The following CSMD3 variants were observed in gnomAD, a reference collection of about 807,000 sequenced individuals.
CSMD3 encodes CUB and sushi domain-containing protein 3.
Under a neutral mutation model 435.2 loss-of-function variants are expected in CSMD3, and 177 were observed. The ratio of observed to expected loss-of-function variants is 0.41; its 90% CI spans 0.36 to 0.46. The LOEUF is 0.46. Ranked by LOEUF, CSMD3 falls within the 20% of genes least tolerant of loss-of-function variation. The pLI, the probability that CSMD3 is intolerant of heterozygous loss-of-function variation, is 0.34. For synonymous variants in CSMD3, 1,656 were observed against 1,520.5 expected (o/e 1.09, Z -2.07); for missense variants, 4,265 against 4,504.6 (o/e 0.95, Z 1.52).
intron 10 of CSMD3, among the ~76,000 whole-genome samples, chr8:112,888,569 C>G (rs1182917223): frequency 1.3e-5 from 2 of 151,702 alleles, no homozygotes; most frequent in Non-Finnish European, 3.0e-5. Flanking sequence ...TGCTACCACT[C>G]TGAGTAATTT....
intron 1 of CSMD3, among the ~76,000 whole-genome samples, chr8:113,333,584 T>C (rs527835003): frequency 3.9e-5 from 6 of 152,014 alleles, no homozygotes; most frequent in African/African-American, 1.4e-4. Context: ...TAGTTTGGCA[T>C]ACTTGTTTGA....
At chr8:112,743,133 T>C (rs1000079487) in intron 13 of CSMD3, among the ~76,000 whole-genome samples, 1 of 152,056 alleles carries the variant, frequency 6.6e-6, no homozygotes, top group Non-Finnish European at 1.5e-5. Context: ...ACTGAATGTG[T>C]GCTTATTTGT....
chr8:113,343,498 A>T (rs2094133329), intron 1 of CSMD3, among the ~76,000 whole-genome samples: 2 of 152,340 alleles, frequency 1.3e-5, no homozygotes, highest in African/African-American at 2.4e-5. Flanking sequence ...AGTGTCAAAC[A>T]GTTTAAAATG....
intron 4 of CSMD3, among the ~76,000 whole-genome samples, chr8:113,124,060 A>G (rs141795985): frequency 7.9e-5 from 12 of 152,134 alleles, no homozygotes; most frequent in African/African-American, 2.9e-4. Flanking sequence ...ATTTTCTCAT[A>G]TCCTTTCTTT....
intron 32 of CSMD3, among the ~76,000 whole-genome samples, chr8:112,440,521 C>T (rs956217451): frequency 7.9e-5 from 12 of 152,124 alleles, no homozygotes; most frequent in Non-Finnish European, 1.5e-4. Context: ...GGTAGTGCCC[C>T]AGTGGATACT....
rs912643866 is a variant in CSMD3 at position 112,765,938 on chromosome 8, A to G, written c.1972+34224T>C. The stretch of plus-strand genomic sequence containing the variant: ...AGTTTTCCATTGCCTGTAAGACCTG[A>G]TGATTTGGACCACTAACTTTTCCCT... On this transcript the variant is annotated intron_variant, in intron 13 of 70. Transcript: ENST00000297405. 4.0e-5 allele frequency among the ~76,000 whole-genome samples: 6 copies of G among 151,718 alleles called. 1 individual carries two copies. The Admixed American group carries it at 4.0e-4, about 10-fold the overall frequency.
chr8:112,254,159 G>T, intron 63 of CSMD3, 94 bp downstream of exon 63: 1 of 879,894 alleles, frequency 1.1e-6, no homozygotes, highest in South Asian at 1.3e-5. Flanking sequence ...GATAGAACAT[G>T]ACTTTTTGTT....
chr8:112,360,501 A>T (rs1365149312), intron 38 of CSMD3, among the ~76,000 whole-genome samples: 1 of 152,012 alleles, frequency 6.6e-6, no homozygotes, highest in Non-Finnish European at 1.5e-5. Flanking sequence ...AAGTTAAAAC[A>T]AATTCTTATA....
intron 9 of CSMD3, among the ~76,000 whole-genome samples, chr8:112,926,248 G>GTGTC (rs140400951): frequency 2.6e-5 from 4 of 151,668 alleles, no homozygotes; most frequent in East Asian, 3.9e-4. Context: ...ATATGTGTGT[G>GTGTC]TGTGTGTGTG....
intron 44 of CSMD3, 93 bp from the exon 45 acceptor site, chr8:112,335,567 T>C (rs1824479202): frequency 3.8e-6 from 4 of 1,059,954 alleles, no homozygotes; most frequent in Non-Finnish European, 5.7e-6. Flanking sequence ...CATATATTTA[T>C]ATTCTAACGT....
chr8:113,225,707 C>T (rs535790392), intron 3 of CSMD3, among the ~76,000 whole-genome samples: 2 of 151,550 alleles, frequency 1.3e-5, no homozygotes, highest in East Asian at 3.9e-4. Flanking sequence ...GAGTAACATA[C>T]AATTCAGGGG....
At chr8:113,217,840 T>A (rs2092923060) in intron 3 of CSMD3, among the ~76,000 whole-genome samples, 1 of 150,856 alleles carries the variant, frequency 6.6e-6, no homozygotes, top group South Asian at 2.1e-4. Flanking sequence ...TTTAAAATAA[T>A]CAATCTACAG....
intron 1 of CSMD3, among the ~76,000 whole-genome samples, chr8:113,365,246 T>A (rs1222091677): frequency 1.3e-5 from 2 of 152,084 alleles, no homozygotes; most frequent in Non-Finnish European, 2.9e-5. Flanking sequence ...AAAACTAAAC[T>A]GCTATTAAGG....
chr8:112,871,262 A>C (rs951838756), intron 10 of CSMD3, among the ~76,000 whole-genome samples: 17 of 152,238 alleles, frequency 1.1e-4, no homozygotes, highest in Non-Finnish European at 1.5e-5. Context: ...GATAGTAAAT[A>C]ATTTTTCAGA....
chr8:112,319,517 A>C (rs1417069318), intron 46 of CSMD3, among the ~76,000 whole-genome samples: 2 of 152,166 alleles, frequency 1.3e-5, no homozygotes, highest in Non-Finnish European at 2.9e-5. Flanking sequence ...TGGAAATGAA[A>C]TATGTCTTCT....
At chr8:113,315,091 C>T (rs1345897240) in intron 1 of CSMD3, among the ~76,000 whole-genome samples, 3 of 152,106 alleles carry the variant, frequency 2.0e-5, no homozygotes, top group Admixed American at 6.6e-5. Flanking sequence ...TATAGACAAA[C>T]ACAATCCTAG....
intron 59 of CSMD3, among the ~76,000 whole-genome samples, chr8:112,277,487 A>T (rs757991020): frequency 2.0e-5 from 3 of 152,162 alleles, no homozygotes; most frequent in African/African-American, 4.8e-5. Flanking sequence ...AGTCTCTAGG[A>T]AGTTCCAAAC....
At chr8:112,593,635 T>C (rs1204231259) in intron 22 of CSMD3, among the ~76,000 whole-genome samples, 1 of 152,026 alleles carries the variant, frequency 6.6e-6, no homozygotes, top group Non-Finnish European at 1.5e-5. Flanking sequence ...TGTACACATA[T>C]TGAGAAGAGA....
At chr8:112,868,154 G>A (rs1302442379) in intron 10 of CSMD3, among the ~76,000 whole-genome samples, 1 of 151,974 alleles carries the variant, frequency 6.6e-6, no homozygotes, top group Non-Finnish European at 1.5e-5. Flanking sequence ...ATCATCAGTA[G>A]CACTGTCTTT....
Sources: allele counts gnomAD v4.1 joint callset (sites outside exome capture counted in the v4.1 genomes callset), GRCh38; gene constraint gnomAD v4.1.1; transcripts MANE v1.5; gene names NCBI Gene and HGNC (gene_info 2026-07-23, HGNC 2026-07-21).